The following ENKUR variants were observed in gnomAD, a reference collection of about 807,000 sequenced individuals.
ENKUR encodes enkurin.
A neutral mutation model predicts 27.6 loss-of-function variants in ENKUR; 19 were observed. The ratio of observed to expected loss-of-function variants is 0.69; its 90% CI spans 0.48 to 1.01. The LOEUF is 1.01. ENKUR is among the 50% of genes least tolerant of loss of function. ENKUR has a pLI of 0.00. For synonymous variants in ENKUR, 117 were observed against 96.9 expected (o/e 1.21, Z -1.22); for missense variants, 312 against 310.5 (o/e 1.00, Z -0.04).
chr10:25,032,265 T>C (rs1023283327), intron 2 of ENKUR, among the ~76,000 whole-genome samples: 2 of 147,188 alleles, frequency 1.4e-5, no homozygotes, highest in Non-Finnish European at 3.0e-5. Flanking sequence ...TTAGCCTCTT[T>C]AGGCTTCCTG....
At chr10:25,002,652 G>A (rs748892662) in intron 1 of ENKUR, among the ~76,000 whole-genome samples, 2 of 152,106 alleles carry the variant, frequency 1.3e-5, no homozygotes, top group Admixed American at 6.6e-5. Flanking sequence ...GTTGAAAGCA[G>A]TTCAGCTATA....
At chr10:25,049,038 C>T (rs1356328701) in intron 2 of ENKUR, among the ~76,000 whole-genome samples, 1 of 152,076 alleles carries the variant, frequency 6.6e-6, no homozygotes, top group Non-Finnish European at 1.5e-5. Context: ...AGTCGTGATG[C>T]CTTTATTTTA....
At chr10:25,060,683 C>A (rs1468878695) in intron 2 of ENKUR, among the ~76,000 whole-genome samples, 1 of 152,026 alleles carries the variant, frequency 6.6e-6, no homozygotes, top group Non-Finnish European at 1.5e-5. Flanking sequence ...CCAAGCAGTG[C>A]TAGGGAAAGA....
In ENKUR at chr10:24,983,531, A is replaced by G. The variant is rs908944133; in HGVS notation, c.*839T>C. 6.6e-6 allele frequency: 1 copy of G among 152,256 alleles called. No homozygotes were observed. Among genetic ancestry groups the G allele is most frequent in the Non-Finnish European group, 1.5e-5 (1 of 68,056 alleles). The allele number at this position is 152,256 out of a possible 1,614,324, so 9.4% of individuals were successfully genotyped here. On this transcript the variant is annotated 3_prime_UTR_variant, in exon 6 of 6. Coordinates refer to ENST00000331161, the MANE Select transcript of ENKUR (RefSeq NM_145010.4). Reference sequence around the variant, plus strand: ...TTCTTGGTAAGTGAGAATTTGTCATATATTATCCTTTATTTTATATCTGCC... The same window carrying G: ...TTCTTGGTAAGTGAGAATTTGTCATGTATTATCCTTTATTTTATATCTGCC...
At chr10:25,019,816 C>T (rs1486559683), upstream of ENKUR, among the ~76,000 whole-genome samples, 3 of 152,130 alleles carry the variant, frequency 2.0e-5, no homozygotes, top group African/African-American at 4.8e-5. Flanking sequence ...AGAAATTTCC[C>T]TCTATTCAAC....
intron 2 of ENKUR, chr10:25,024,907 C>G: frequency 6.2e-7 from 1 of 1,613,824 alleles, no homozygotes; most frequent in Non-Finnish European, 8.5e-7. Context: ...AACCTTTTCA[C>G]CGTCAATAGA....
rs557868222 is a variant in ENKUR at position 25,004,483 on chromosome 10, G to A, written c.78-4937C>T. On this transcript the variant is annotated intron_variant, in intron 1 of 5. Transcript: ENST00000331161. Reference sequence around the variant, plus strand: ...GATTGGTGTGAGATGGTATCTCATTGTAGTTTTGATTTGCATTTCTCTAAT... The same window carrying A: ...GATTGGTGTGAGATGGTATCTCATTATAGTTTTGATTTGCATTTCTCTAAT... Among the ~76,000 whole-genome samples, 3 of 152,234 alleles carry A rather than the reference G, an allele frequency of 2.0e-5. No homozygotes were observed. The East Asian group carries it at 5.8e-4, about 29-fold the overall frequency.
At chr10:25,056,768 A>G (rs1482960279) in intron 2 of ENKUR, among the ~76,000 whole-genome samples, 1 of 152,210 alleles carries the variant, frequency 6.6e-6, no homozygotes, top group Non-Finnish European at 1.5e-5. Flanking sequence ...CCTGTGTCAT[A>G]TCATTGGGGT....
At chr10:25,030,650 G>T (rs1850923764) in intron 2 of ENKUR, among the ~76,000 whole-genome samples, 1 of 152,132 alleles carries the variant, frequency 6.6e-6, no homozygotes, top group Non-Finnish European at 1.5e-5. Context: ...GGAGCACTTT[G>T]ATGGGCTTTC....
chr10:25,011,883 A>G (rs1850454143), intron 1 of ENKUR, among the ~76,000 whole-genome samples: 1 of 152,206 alleles, frequency 6.6e-6, no homozygotes, highest in Non-Finnish European at 1.5e-5. Context: ...TAATAGCCAA[A>G]ACAATGGGGA....
chr10:25,034,565 T>C (rs1256069825), intron 2 of ENKUR, among the ~76,000 whole-genome samples: 2 of 152,216 alleles, frequency 1.3e-5, no homozygotes, highest in Non-Finnish European at 2.9e-5. Flanking sequence ...CCCTCGATAT[T>C]ACCTTTTTTC....
intron 2 of ENKUR, among the ~76,000 whole-genome samples, chr10:25,056,709 G>C (rs573830217): frequency 6.6e-5 from 10 of 152,208 alleles, no homozygotes; most frequent in Non-Finnish European, 1.5e-5. Context: ...TGAAACGTTA[G>C]TGCCTAATGT....
chr10:24,984,632 T>C (rs1849740527), intron 5 of ENKUR, 104 bp downstream of exon 5: 1 of 1,119,350 alleles, frequency 8.9e-7, no homozygotes, highest in Admixed American at 3.0e-5. Context: ...CTATTTTTAT[T>C]CTCTTCATAG....
chr10:25,017,023 C>G (rs542358328), upstream of ENKUR, among the ~76,000 whole-genome samples: 1 of 152,166 alleles, frequency 6.6e-6, no homozygotes, highest in Non-Finnish European at 1.5e-5. Context: ...CGCTCGCCCT[C>G]CCGCCCCTGC....
At chr10:25,003,770 A>G (rs1203385554) in intron 1 of ENKUR, among the ~76,000 whole-genome samples, 4 of 152,116 alleles carry the variant, frequency 2.6e-5, no homozygotes, top group Non-Finnish European at 5.9e-5. Context: ...TTATTTCATC[A>G]CCCAGGTATT....
intron 2 of ENKUR, among the ~76,000 whole-genome samples, chr10:25,044,790 T>G (rs539328309): frequency 1.3e-5 from 2 of 152,230 alleles, no homozygotes; most frequent in Admixed American, 6.5e-5. Flanking sequence ...GTTATTGTTT[T>G]CCCTTGAGTA....
At chr10:25,024,790 A>G (rs776863941) in intron 2 of ENKUR, 1 of 1,614,084 alleles carries the variant, frequency 6.2e-7, no homozygotes, top group Non-Finnish European at 8.5e-7. Flanking sequence ...TGCCAAAATG[A>G]TGGGAATCCC....
intron 2 of ENKUR, among the ~76,000 whole-genome samples, chr10:24,996,399 G>T (rs1306989143): frequency 6.6e-6 from 1 of 152,012 alleles, no homozygotes. Context: ...TCCAGCCTGG[G>T]TGACGGAGTG....
intron 2 of ENKUR, among the ~76,000 whole-genome samples, chr10:25,030,143 T>C (rs1055126814): frequency 5.3e-5 from 8 of 152,324 alleles, no homozygotes; most frequent in African/African-American, 1.7e-4. Flanking sequence ...AGGGTCTCTC[T>C]AGTCACCTTT....
Sources: allele counts gnomAD v4.1 joint callset (sites outside exome capture counted in the v4.1 genomes callset), GRCh38; gene constraint gnomAD v4.1.1; transcripts MANE v1.5; gene names NCBI Gene and HGNC (gene_info 2026-07-23, HGNC 2026-07-21).